Variants in PTCH2 observed in about 807,000 individuals in gnomAD.
The protein encoded by PTCH2 is patched 2, also known as protein patched homolog 2.
Under a neutral mutation model 117.9 loss-of-function variants are expected in PTCH2, and 96 were observed. That is an observed-to-expected ratio of 0.81 (90% CI 0.69 to 0.96). The LOEUF (loss-of-function observed/expected upper bound fraction) is 0.96, where lower values mean the gene tolerates loss of function less well. Among genes scored for constraint, PTCH2 ranks in the 50% least tolerant of loss-of-function variants. The pLI is 0.00. For synonymous variants in PTCH2, 615 were observed against 660.9 expected, an observed-to-expected ratio of 0.93 and a Z score of 1.06; for missense variants, 1,379 against 1,562.5, an observed-to-expected ratio of 0.88 and a Z score of 1.98.
chr1:44,828,729 G>A, intron 11 of PTCH2, 98 bp from the exon 12 acceptor site: 1 of 1,510,794 alleles, frequency 6.6e-7, no homozygotes, highest in Non-Finnish European at 9.0e-7. Flanking sequence ...GTGCAGAGGT[G>A]GGGCAGTCAT....
chr1:44,831,687 C>A lies in PTCH2; in HGVS notation c.617+19G>T, dbSNP rs2148879687. On this transcript the variant is annotated intron_variant, in intron 5 of 21. Coordinates refer to ENST00000372192, the MANE Select transcript of PTCH2 (RefSeq NM_003738.5). The surrounding 1 kb of genome is among the most constrained non-coding windows in gnomAD (Gnocchi z 4.3). Reference sequence around the variant, plus strand: ...GTCCCCAGCGGGAGATGAAGCAGGGCCCCAGGAGTGGCACTCACGGCAGGT... The same window carrying A: ...GTCCCCAGCGGGAGATGAAGCAGGGACCCAGGAGTGGCACTCACGGCAGGT... The A allele has an allele frequency of 6.5e-7, 1 of 1,544,978 alleles. No homozygotes were observed.
Position 44,831,128 on chromosome 1 carries a change from CCCT to C in PTCH2, c.618-88_618-86del, listed in dbSNP as rs1653427905. On this transcript the variant is annotated intron_variant, in intron 5 of 21. Coordinates refer to ENST00000372192, the MANE Select transcript of PTCH2 (RefSeq NM_003738.5). This position sits in a 1 kb window ranked among gnomAD's most constrained non-coding sequence, Gnocchi z 4.3. ...TGCTGGGGCGCCATGCTGTACCCCA[CCCT>C]CCTCTTATCTGCCGATTTGTCCTTC... The C allele has an allele frequency of 3.8e-6, 5 of 1,329,910 alleles. No individual in the cohort carries two copies. In the South Asian group the frequency reaches 3.9e-5, roughly 10 times the overall value. The allele number at this position is 1,329,910 out of a possible 1,614,324, so 82.4% of individuals were successfully genotyped here.
At chr1:44,819,980 G>A (rs113598000), downstream of PTCH2, 228 of 155,076 alleles carry the variant, frequency 1.5e-3, 9 homozygotes, top group South Asian at 0.036. Context: ...TATGCGCTTT[G>A]AAGAGAAACC....
intron 6 of PTCH2, 125 bp downstream of exon 6, chr1:44,830,723 G>T: frequency 1.0e-6 from 1 of 956,280 alleles, no homozygotes. Flanking sequence ...GTGGGAGCAG[G>T]GTAATAATGG....
chr1:44,841,782 C>T, intron 2 of PTCH2, 65 bp downstream of exon 2: 3 of 1,579,868 alleles, frequency 1.9e-6, no homozygotes, highest in Non-Finnish European at 2.6e-6. Context: ...GTAGCCAGCT[C>T]CTCACCCCGT....
intron 2 of PTCH2, 42 bp downstream of exon 2, chr1:44,841,805 C>T: frequency 1.9e-6 from 3 of 1,607,170 alleles, no homozygotes; most frequent in Non-Finnish European, 1.7e-6. Flanking sequence ...TTGTCTTGGG[C>T]TCACCATACC....
chr1:44,829,871 A>T, intron 7 of PTCH2, 38 bp downstream of exon 7: 1 of 1,613,974 alleles, frequency 6.2e-7, no homozygotes, highest in Non-Finnish European at 8.5e-7. Flanking sequence ...GGTTCTCATG[A>T]ACAGAGTCCC....
Position 44,831,120 on chromosome 1 carries a change from G to C in PTCH2, c.618-77C>G. ...CAAACTGCTGCTGGGGCGCCATGCTGTACCCCACCCTCCTCTTATCTGCCG... is the reference window on the plus strand; with the variant it reads ...CAAACTGCTGCTGGGGCGCCATGCTCTACCCCACCCTCCTCTTATCTGCCG... On this transcript the variant is annotated intron_variant, in intron 5 of 21. Transcript: ENST00000372192. This position sits in a 1 kb window ranked among gnomAD's most constrained non-coding sequence, Gnocchi z 4.3. The C allele has an allele frequency of 2.2e-6, 3 of 1,390,530 alleles. No homozygotes were observed. Among genetic ancestry groups the C allele is most frequent in the Non-Finnish European group, 3.0e-6 (3 of 1,002,396 alleles). 86.1% of individuals were successfully genotyped at this position (1,390,530 alleles called of 1,614,324 possible).
chr1:44,824,624 A>G (rs1213392479), intron 19 of PTCH2, among the ~76,000 whole-genome samples: 2 of 151,692 alleles, frequency 1.3e-5, no homozygotes, highest in Non-Finnish European at 2.9e-5. Context: ...CAACCTCCTG[A>G]GTGGCTGAGA....
rs1653200099 is a variant in PTCH2, at chr1:44,827,326, T to A, written c.2372-17A>T. On this transcript the variant is annotated splice_polypyrimidine_tract_variant and intron_variant, in intron 15 of 21. Transcript: ENST00000372192. ...CCTGGATTCCTGGGGGAGACCAGGA[T>A]AGGGTTCTATTAGCTGGTGGCCCCA... The A allele has an allele frequency of 6.2e-7, 1 of 1,613,646 alleles. No individual in the cohort carries two copies. Among genetic ancestry groups the A allele is most frequent in the East Asian group, 2.2e-5 (1 of 44,884 alleles).
At position 44,831,843 on chromosome 1, in the gene PTCH2, TG is replaced by T; in HGVS notation, c.526-47del. The T allele has an allele frequency of 1.3e-6, 2 of 1,597,180 alleles. No individual in the cohort carries two copies. The highest frequency in any genetic ancestry group is 1.7e-6 in the Non-Finnish European group (2 of 1,164,886). On this transcript the variant is annotated intron_variant, in intron 4 of 21. Coordinates refer to ENST00000372192, the MANE Select transcript of PTCH2 (RefSeq NM_003738.5). The surrounding 1 kb of genome is among the most constrained non-coding windows in gnomAD (Gnocchi z 4.3). ...CACGTCAGTCCTGCCCCACAACCTT[TG>T]TAGGATGCCCTCTGCAATCCCCCTC... is the stretch of plus-strand genomic sequence containing the variant.
rs57053705 is a variant in PTCH2, at chr1:44,839,361, C to CAAA, written c.265+2483_265+2485dup. On this transcript the variant is annotated intron_variant, in intron 2 of 21. Coordinates refer to ENST00000372192, the MANE Select transcript of PTCH2 (RefSeq NM_003738.5). ...TGGGCAACAGAGCAAGACTTACTCT[C>CAAA]AAAAAAAAAAAAAAAAAAAAAACAG... 1.8e-3 allele frequency among the ~76,000 whole-genome samples: 139 copies of CAAA among 75,252 alleles called. 1 individual carries two copies. Among genetic ancestry groups the CAAA allele is most frequent in the African/African-American group, 3.7e-3 (72 of 19,452 alleles). The allele number at this position is 75,252 out of a possible 152,430, so 49.4% of individuals were successfully genotyped here.
chr1:44,839,896 T>C (rs1653864865), intron 2 of PTCH2, among the ~76,000 whole-genome samples: 1 of 152,000 alleles, frequency 6.6e-6, no homozygotes, highest in Non-Finnish European at 1.5e-5. Context: ...CTGAGAAACA[T>C]CTGCTGTGGA....
chr1:44,837,591 G>T (rs1653742646), intron 2 of PTCH2, among the ~76,000 whole-genome samples: 1 of 152,068 alleles, frequency 6.6e-6, no homozygotes, highest in Non-Finnish European at 1.5e-5. Flanking sequence ...ATAGAGATGG[G>T]TTTTTGCCAT....
rs56126236 is a variant in PTCH2, at chr1:44,829,443, CAG to C, written c.1172_1173del (p.Ser391Ter). On this transcript the variant is annotated frameshift_variant, in exon 9 of 22. Coordinates refer to ENST00000372192, the MANE Select transcript of PTCH2 (RefSeq NM_003738.5). LOFTEE classifies it high-confidence loss of function. Reference protein sequence around the residue: ...TTLDDILHAFSEVSAARVVGG... With the variant: ...TTLDDILHAFXEVSAARVVGG... ...CCCACCACACGGGCAGCACTGACTT[CAG>C]AGAACGCATGCAGGATGTCATCCAG... The C allele has an allele frequency of 8.7e-5, 140 of 1,614,212 alleles. 1 individual carries two copies. The East Asian group carries it at 3.0e-3, about 34-fold the overall frequency.
intron 2 of PTCH2, among the ~76,000 whole-genome samples, chr1:44,837,999 G>C (rs867899266): frequency 6.6e-6 from 1 of 151,326 alleles, no homozygotes; most frequent in Non-Finnish European, 1.5e-5. Flanking sequence ...GGAGAATGGC[G>C]TGAACCCGGG....
chr1:44,843,140 G>A lies in PTCH2; in HGVS notation c.-208C>T. The A allele has an allele frequency of 2.3e-6, 3 of 1,307,140 alleles. No individual in the cohort carries two copies. The highest frequency in any genetic ancestry group is 1.9e-6 in the Non-Finnish European group (2 of 1,029,954). The allele number at this position is 1,307,140 out of a possible 1,614,324, so 81.0% of individuals were successfully genotyped here. On this transcript the variant is annotated 5_prime_UTR_variant, in exon 1 of 22. Coordinates refer to ENST00000372192, the MANE Select transcript of PTCH2 (RefSeq NM_003738.5). ...AGCTGCGGGTCCGGGGCGCGGCGCC[G>A]GGATTCACCCGCTCCGTGGGCCGTG...
rs1423695206 is a variant in PTCH2 at position 44,822,694 on chromosome 1, A to G, written c.3358-25T>C. 2.5e-6 allele frequency: 4 copies of G among 1,611,886 alleles called. No homozygotes were observed. In the South Asian group the frequency reaches 4.4e-5, roughly 18 times the overall value. ...CCTGTGGGGAGACACCAGCCCCAGT[A>G]AGCCCACGGGCCCCTGGGGCTCCCG... On this transcript the variant is annotated intron_variant, in intron 21 of 21. Coordinates refer to ENST00000372192, the MANE Select transcript of PTCH2 (RefSeq NM_003738.5).
At position 44,829,752 on chromosome 1, in the gene PTCH2, G is replaced by T. The variant is rs201325645; in HGVS notation, c.945C>A (p.Ala315=). 1 of 1,614,236 alleles carries T rather than the reference G, an allele frequency of 6.2e-7. No homozygotes were observed. The highest frequency in any genetic ancestry group is 2.2e-5 in the East Asian group (1 of 44,892). ...TCATCAGCAAGAAGGTGCTCTGCAG[G>T]GCCTCTGCCCTGGTGGGGGTGTGGG... The part of the protein sequence containing the change: ...DPQGELLRAE[A]LQSTFLLMSP... Residue 315 remains alanine, a synonymous_variant, in exon 8 of 22, where the codon GCC becomes GCA. Transcript: ENST00000372192.
Sources: allele counts gnomAD v4.1 joint callset (sites outside exome capture counted in the v4.1 genomes callset), GRCh38; gene constraint gnomAD v4.1.1; non-coding constraint Gnocchi (gnomAD v3.1); transcripts MANE v1.5; gene names NCBI Gene and HGNC (gene_info 2026-07-23, HGNC 2026-07-21).